Variants in CTNND2 observed in about 807,000 individuals in gnomAD.
The protein encoded by CTNND2 is catenin delta-2.
A neutral mutation model predicts 144.4 loss-of-function variants in CTNND2; 22 were observed. That is an observed-to-expected ratio of 0.15 (90% CI 0.11 to 0.22). The LOEUF is 0.22. Among genes scored for constraint, CTNND2 ranks in the 10% least tolerant of loss-of-function variants. The pLI is 1.00. For missense variants in CTNND2, 1,353 were observed against 1,618.8 expected (o/e 0.84, Z 2.82); for synonymous variants, 751 against 695.6 (o/e 1.08, Z -1.25).
intron 9 of CTNND2, among the ~76,000 whole-genome samples, chr5:11,306,183 A>C (rs749663681): frequency 4.3e-4 from 66 of 152,228 alleles, no homozygotes; most frequent in South Asian, 4.1e-4. Flanking sequence ...CGGAGAAGCC[A>C]GTTAGGAGGC....
At position 11,903,865 on chromosome 5, in the gene CTNND2, C is replaced by A; in HGVS notation, c.-12G>T. 6.8e-7 allele frequency: 1 copy of A among 1,478,240 alleles called. No individual in the cohort carries two copies. The highest frequency in any genetic ancestry group is 8.9e-7 in the Non-Finnish European group (1 of 1,120,072). The allele number at this position is 1,478,240 out of a possible 1,614,324, so 91.6% of individuals were successfully genotyped here. On this transcript the variant is annotated 5_prime_UTR_variant, in exon 1 of 22. Coordinates refer to ENST00000304623, the MANE Select transcript of CTNND2 (RefSeq NM_001332.4). This position sits in a 1 kb window ranked among gnomAD's most constrained non-coding sequence, Gnocchi z 5.4. The stretch of plus-strand genomic sequence containing the variant: ...TTCCTCGCAAACATGCACCCTCCGC[C>A]GGCGACAGCTCCTCAGTCCGGGAAG...
At chr5:11,821,311 G>A (rs1039535853) in intron 1 of CTNND2, among the ~76,000 whole-genome samples, 2 of 152,126 alleles carry the variant, frequency 1.3e-5, no homozygotes, top group Non-Finnish European at 2.9e-5. Flanking sequence ...TCTGTACAGT[G>A]TACTTCGCTT....
intron 9 of CTNND2, among the ~76,000 whole-genome samples, chr5:11,268,812 C>T (rs936987470): frequency 5.9e-5 from 9 of 151,998 alleles, no homozygotes; most frequent in South Asian, 2.1e-4. Flanking sequence ...TTCAAAATTA[C>T]GGGTAATTTT....
intron 16 of CTNND2, among the ~76,000 whole-genome samples, chr5:11,069,384 GT>G (rs1314220432): frequency 3.9e-5 from 6 of 152,146 alleles, no homozygotes; most frequent in Non-Finnish European, 8.8e-5. Flanking sequence ...TGGGTTAGGA[GT>G]AGATAGAAAA....
chr5:11,813,344 G>A (rs1483397153), intron 1 of CTNND2, among the ~76,000 whole-genome samples: 2 of 152,176 alleles, frequency 1.3e-5, no homozygotes, highest in African/African-American at 4.8e-5. Flanking sequence ...AGCAGAGCAG[G>A]ACTTACCACA....
intron 15 of CTNND2, among the ~76,000 whole-genome samples, chr5:11,087,731 C>T (rs571349467): frequency 6.6e-6 from 1 of 152,256 alleles, no homozygotes; most frequent in South Asian, 2.1e-4. Flanking sequence ...AAGGCAATGG[C>T]AACTATTGCA....
At chr5:11,251,889 A>G (rs1743694153) in intron 9 of CTNND2, among the ~76,000 whole-genome samples, 1 of 152,216 alleles carries the variant, frequency 6.6e-6, no homozygotes, top group Non-Finnish European at 1.5e-5. Flanking sequence ...TTTGAAATGT[A>G]TCGTTTTATG....
chr5:11,036,680 C>T (rs767551374), intron 16 of CTNND2, among the ~76,000 whole-genome samples: 7 of 152,152 alleles, frequency 4.6e-5, no homozygotes, highest in Non-Finnish European at 8.8e-5. Flanking sequence ...TGAGCCACTG[C>T]GCCTGGCCTC....
At chr5:11,777,645 C>G (rs1790328295) in intron 1 of CTNND2, among the ~76,000 whole-genome samples, 2 of 152,028 alleles carry the variant, frequency 1.3e-5, no homozygotes, top group Non-Finnish European at 2.9e-5. Context: ...GGGGACTGTG[C>G]CTAAAGCAGG....
At chr5:11,600,374 T>C (rs1258323458) in intron 2 of CTNND2, among the ~76,000 whole-genome samples, 3 of 152,184 alleles carry the variant, frequency 2.0e-5, no homozygotes, top group Non-Finnish European at 4.4e-5. Context: ...TTGTGTGTTA[T>C]AGGTGAACAA....
chr5:11,817,887 G>A (rs1161996680), intron 1 of CTNND2, among the ~76,000 whole-genome samples: 4 of 151,490 alleles, frequency 2.6e-5, no homozygotes, highest in African/African-American at 4.9e-5. Context: ...AATCTGATTC[G>A]GAAATGGCAG....
chr5:11,792,117 C>T (rs375511995), intron 1 of CTNND2, among the ~76,000 whole-genome samples: 16 of 152,184 alleles, frequency 1.1e-4, no homozygotes, highest in African/African-American at 3.6e-4. Flanking sequence ...CTAGACCATG[C>T]GGTCTCAAAG....
At chr5:11,622,915 CCTT>C (rs1173304110) in intron 2 of CTNND2, among the ~76,000 whole-genome samples, 1 of 152,094 alleles carries the variant, frequency 6.6e-6, no homozygotes, top group Non-Finnish European at 1.5e-5. Context: ...CTTCTTAAAT[CCTT>C]CTTTTATTGT....
intron 1 of CTNND2, among the ~76,000 whole-genome samples, chr5:11,813,474 C>G (rs1291092359): frequency 6.6e-6 from 1 of 152,088 alleles, no homozygotes; most frequent in African/African-American, 2.4e-5. Context: ...TGAATAACAA[C>G]TTCCCCCAAC....
intron 1 of CTNND2, among the ~76,000 whole-genome samples, chr5:11,832,501 T>G (rs887866332): frequency 6.6e-6 from 1 of 151,936 alleles, no homozygotes; most frequent in Admixed American, 6.6e-5. Context: ...TGGCAAAAGG[T>G]GTTAAAAAAT....
At chr5:11,495,096 A>C (rs1769805773) in intron 3 of CTNND2, among the ~76,000 whole-genome samples, 1 of 152,172 alleles carries the variant, frequency 6.6e-6, no homozygotes, top group African/African-American at 2.4e-5. Context: ...GCCCCTTACG[A>C]AATCATTTTG....
At chr5:11,231,207 G>A (rs1740973297) in intron 10 of CTNND2, among the ~76,000 whole-genome samples, 2 of 152,096 alleles carry the variant, frequency 1.3e-5, no homozygotes, top group South Asian at 4.2e-4. Context: ...AGTCCTGTGA[G>A]TCCATTAAAC....
At chr5:11,811,598 G>A (rs535612233) in intron 1 of CTNND2, among the ~76,000 whole-genome samples, 1 of 152,244 alleles carries the variant, frequency 6.6e-6, no homozygotes, top group Admixed American at 6.5e-5. Flanking sequence ...AGGGTCCAAT[G>A]GATGCCCTAG....
chr5:11,385,342 G>C, intron 6 of CTNND2, 113 bp from the exon 7 acceptor site: 1 of 707,756 alleles, frequency 1.4e-6, no homozygotes, highest in Non-Finnish European at 1.7e-6. Context: ...GCGGGCGCCC[G>C]GCGGCTCTGC....
Sources: allele counts gnomAD v4.1 joint callset (sites outside exome capture counted in the v4.1 genomes callset), GRCh38; gene constraint gnomAD v4.1.1; non-coding constraint Gnocchi (gnomAD v3.1); transcripts MANE v1.5; gene names NCBI Gene and HGNC (gene_info 2026-07-23, HGNC 2026-07-21).